Variants in RTN4 observed in about 807,000 individuals in gnomAD.
RTN4 encodes reticulon-4.
A neutral mutation model predicts 90.4 loss-of-function variants in RTN4; 32 were observed. The observed-to-expected ratio is 0.35, with a 90% CI of 0.27 to 0.48. The LOEUF (loss-of-function observed/expected upper bound fraction) is 0.48. RTN4 is among the 20% of genes least tolerant of loss of function. The pLI, the probability that RTN4 is intolerant of heterozygous loss-of-function variation, is 0.99. For missense variants in RTN4, 1,706 were observed against 1,430.2 expected (o/e 1.19, Z -3.11); for synonymous variants, 629 against 552.5 (o/e 1.14, Z -1.94).
chr2:54,992,794 G>A (rs1012026448), intron 3 of RTN4, among the ~76,000 whole-genome samples: 6 of 152,112 alleles, frequency 3.9e-5, no homozygotes, highest in Non-Finnish European at 8.8e-5. Context: ...ATATGGCCGG[G>A]CGTGGTGGCT....
chr2:55,008,176 C>CACACACACACACA, intron 3 of RTN4, among the ~76,000 whole-genome samples: 1 of 149,680 alleles, frequency 6.7e-6, no homozygotes, highest in East Asian at 2.0e-4. Context: ...CACACACACA[C>CACACACACACACA]CACCTTTTAA....
intron 4 of RTN4, 58 bp from the exon 5 acceptor site, chr2:54,982,711 C>T: frequency 6.6e-7 from 1 of 1,511,736 alleles, no homozygotes; most frequent in East Asian, 2.3e-5. Context: ...CCCTAAATGT[C>T]AATCAGAAAT....
chr2:55,007,983 A>C (rs1680356774), intron 3 of RTN4, among the ~76,000 whole-genome samples: 1 of 152,106 alleles, frequency 6.6e-6, no homozygotes, highest in African/African-American at 2.4e-5. Context: ...TACCTTAATC[A>C]AAATTTTCCA....
the RTN4 span, among the ~76,000 whole-genome samples, chr2:55,122,800 C>T: frequency 1.3e-5 from 2 of 152,254 alleles, no homozygotes; most frequent in Non-Finnish European, 2.9e-5. Flanking sequence ...CCTGCACACA[C>T]ACCCATCCCC....
At chr2:54,988,463 A>C (rs951559092) in intron 3 of RTN4, among the ~76,000 whole-genome samples, 20 of 152,352 alleles carry the variant, frequency 1.3e-4, no homozygotes, top group African/African-American at 4.8e-4. Context: ...ATATGCAGAA[A>C]ATAAATTTAA....
chr2:55,016,972 A>G (rs1434101931), intron 3 of RTN4, among the ~76,000 whole-genome samples: 2 of 152,194 alleles, frequency 1.3e-5, no homozygotes, highest in Non-Finnish European at 2.9e-5. Flanking sequence ...TTTATGGTAC[A>G]TATTTATTTT....
At chr2:55,027,912 G>A (rs955682611) in intron 2 of RTN4, among the ~76,000 whole-genome samples, 2 of 152,154 alleles carry the variant, frequency 1.3e-5, no homozygotes, top group Admixed American at 6.5e-5. Context: ...TTGGAGAAAG[G>A]GAATGGTAAA....
At chr2:54,977,445 T>C (rs1288065171) in intron 5 of RTN4, among the ~76,000 whole-genome samples, 3 of 149,024 alleles carry the variant, frequency 2.0e-5, no homozygotes, top group East Asian at 2.1e-4. Flanking sequence ...AGATTTAAGA[T>C]TGTGTTCTGG....
chr2:54,973,732 A>C, intron 7 of RTN4, 89 bp downstream of exon 7: 1 of 1,497,666 alleles, frequency 6.7e-7, no homozygotes. Flanking sequence ...TTTTTGTAAG[A>C]CATTGAAAAT....
chr2:55,093,789 TC>T (rs1668984336), intron 1 of RTN4, among the ~76,000 whole-genome samples: 1 of 152,186 alleles, frequency 6.6e-6, no homozygotes, highest in African/African-American at 2.4e-5. Flanking sequence ...CTTAACTAAC[TC>T]CCTGTTAAGG....
chr2:54,976,972 G>C (rs1045794771), intron 5 of RTN4, among the ~76,000 whole-genome samples: 1 of 152,160 alleles, frequency 6.6e-6, no homozygotes. Flanking sequence ...TACTGAAAAG[G>C]GGCAAGGGCC....
intron 2 of RTN4, 109 bp downstream of exon 2, chr2:55,028,055 G>T: frequency 1.1e-6 from 1 of 894,454 alleles, no homozygotes; most frequent in Non-Finnish European, 1.6e-6. Flanking sequence ...AAACATTCTC[G>T]GAACCATGCT....
At chr2:55,134,332 C>A in the RTN4 span, among the ~76,000 whole-genome samples, 7 of 152,118 alleles carry the variant, frequency 4.6e-5, no homozygotes, top group South Asian at 1.0e-3. Flanking sequence ...CTCTTCCCCC[C>A]ACTCCTCCTG....
chr2:54,982,319 T>C (rs755702500), intron 5 of RTN4, among the ~76,000 whole-genome samples, 196 bp downstream of exon 5: 5 of 151,990 alleles, frequency 3.3e-5, no homozygotes, highest in Admixed American at 6.6e-5. Flanking sequence ...GTATTAAGTA[T>C]GACCAGAAAA....
intron 5 of RTN4, among the ~76,000 whole-genome samples, chr2:54,976,421 T>C (rs1387023195): frequency 6.6e-6 from 1 of 152,134 alleles, no homozygotes; most frequent in Non-Finnish European, 1.5e-5. Context: ...GTGACATACA[T>C]GTATGTGAGA....
upstream of RTN4, among the ~76,000 whole-genome samples, chr2:55,113,573 A>T (rs1164148419): frequency 4.6e-5 from 7 of 152,164 alleles, no homozygotes; most frequent in African/African-American, 1.7e-4. Context: ...TCAATTGAAC[A>T]ATATTATGGA....
intron 2 of RTN4, among the ~76,000 whole-genome samples, chr2:55,067,369 A>G (rs1337174582): frequency 6.6e-6 from 1 of 151,996 alleles, no homozygotes; most frequent in Non-Finnish European, 1.5e-5. Flanking sequence ...GGAATAGCAC[A>G]TGTTTGCTTT....
At chr2:54,989,239 T>C (rs948890723) in intron 3 of RTN4, among the ~76,000 whole-genome samples, 18 of 152,254 alleles carry the variant, frequency 1.2e-4, no homozygotes, top group African/African-American at 3.9e-4. Flanking sequence ...GTCCAGTACA[T>C]AGCAGGGATT....
chr2:55,049,266 G>A (rs1667957628), intron 1 of RTN4: 2 of 686,296 alleles, frequency 2.9e-6, no homozygotes, highest in Admixed American at 6.3e-5. Context: ...GGGGCAGAAT[G>A]CAGGCCAACA....
Sources: allele counts gnomAD v4.1 joint callset (sites outside exome capture counted in the v4.1 genomes callset), GRCh38; gene constraint gnomAD v4.1.1; transcripts MANE v1.5; gene names NCBI Gene and HGNC (gene_info 2026-07-23, HGNC 2026-07-21).